The following TLK2 variants were observed in gnomAD, a reference collection of about 807,000 sequenced individuals.
The protein encoded by TLK2 is tousled like kinase 2, also known as serine/threonine-protein kinase tousled-like 2.
Under a neutral mutation model 117.3 loss-of-function variants are expected in TLK2, and 6 were observed. The observed-to-expected ratio is 0.05, with a 90% CI of 0.03 to 0.10. The LOEUF is 0.10. TLK2 is among the 10% of genes least tolerant of loss of function. TLK2 has a pLI of 1.00. For missense variants in TLK2, 299 were observed against 901.2 expected, an observed-to-expected ratio of 0.33 and a Z score of 8.56; for synonymous variants, 257 against 316.7, an observed-to-expected ratio of 0.81 and a Z score of 2.00.
In TLK2 at chr17:62,523,112, T is replaced by C. The variant is rs867346499; in HGVS notation, c.224-22T>C. ...TTATATGTGTATTGGAAAAACTGTA[T>C]TTACTTTGGTTTCATTTTCAGGGAA... On this transcript the variant is annotated intron_variant, in intron 4 of 21. Coordinates refer to ENST00000346027, the MANE Select transcript of TLK2 (RefSeq NM_006852.6). 1.0e-5 allele frequency: 16 copies of C among 1,585,230 alleles called. No homozygotes were observed. The Middle Eastern group carries it at 2.0e-3, about 201-fold the overall frequency.
In TLK2 at chr17:62,597,164, A is replaced by G. The variant is rs117462738; in HGVS notation, c.1550+490A>G. On this transcript the variant is annotated intron_variant, in intron 17 of 21. Coordinates refer to ENST00000346027, the MANE Select transcript of TLK2 (RefSeq NM_006852.6). ...TCATACCTTTTACTACTATTCATCT[A>G]TTCCACCATTCCATCCCTCTGCCCT... 5.1e-4 allele frequency: 78 copies of G among 153,492 alleles called. 2 individuals carry two copies. The East Asian group carries it at 0.015, about 29-fold the overall frequency. The allele number at this position is 153,492 out of a possible 1,614,324, so 9.5% of individuals were successfully genotyped here. A position where few individuals can be genotyped will look rare whatever the true frequency, so the allele number is the denominator to read the frequency against.
intron 2 of TLK2, among the ~76,000 whole-genome samples, chr17:62,491,950 G>A (rs186774111): frequency 2.6e-5 from 4 of 152,300 alleles, no homozygotes; most frequent in Non-Finnish European, 5.9e-5. Context: ...ATTGGAGTAG[G>A]AATAATATAA....
chr17:62,481,229 A>T (rs1390834077), intron 2 of TLK2, 23 bp downstream of exon 2: 2 of 1,612,754 alleles, frequency 1.2e-6, no homozygotes. Flanking sequence ...ATGATCATGA[A>T]CACTATTCAT....
At chr17:62,490,090 A>G (rs2072944071) in intron 2 of TLK2, among the ~76,000 whole-genome samples, 2 of 152,236 alleles carry the variant, frequency 1.3e-5, no homozygotes, top group Admixed American at 6.5e-5. Context: ...TTGGCCTCCG[A>G]AAGTGTTGGG....
chr17:62,513,921 TTG>T (rs1567826340), intron 2 of TLK2, among the ~76,000 whole-genome samples: 2 of 151,928 alleles, frequency 1.3e-5, no homozygotes, highest in Non-Finnish European at 2.9e-5. Context: ...ACTCCTGACC[TTG>T]TGATCCACCC....
At chr17:62,496,406 A>G (rs190904346) in intron 2 of TLK2, among the ~76,000 whole-genome samples, 66 of 152,276 alleles carry the variant, frequency 4.3e-4, no homozygotes, top group African/African-American at 1.5e-3. Context: ...ACACATTCAG[A>G]TACATTTACA....
At chr17:62,505,407 A>AT (rs544900638) in intron 2 of TLK2, among the ~76,000 whole-genome samples, 4,805 of 53,714 alleles carry the variant, frequency 0.089, 1,397 homozygotes, top group African/African-American at 0.26. Context: ...CCATACCCAG[A>AT]TTTTTTTTTT....
intron 2 of TLK2, among the ~76,000 whole-genome samples, chr17:62,518,902 G>T (rs2145472866): frequency 6.6e-6 from 1 of 152,192 alleles, no homozygotes. Flanking sequence ...TTTGAGACAA[G>T]GTCTTGGCTC....
At chr17:62,516,545 A>G (rs12949013) in intron 2 of TLK2, 11 of 1,608,632 alleles carry the variant, frequency 6.8e-6, no homozygotes, top group South Asian at 4.4e-5. Context: ...TACTGGATAC[A>G]CTCATTGGTA....
At chr17:62,595,370 A>G (rs1227625920) in intron 16 of TLK2, among the ~76,000 whole-genome samples, 1 of 150,972 alleles carries the variant, frequency 6.6e-6, no homozygotes, top group Admixed American at 6.6e-5. Context: ...ATAAACCAAT[A>G]ATGTATTCAT....
chr17:62,564,729 A>G (rs531349039), intron 10 of TLK2, among the ~76,000 whole-genome samples: 6,547 of 151,718 alleles, frequency 0.043, 148 homozygotes, highest in Middle Eastern at 0.11. Context: ...CAAACAAAAA[A>G]CCAACCAAAC....
At chr17:62,497,621 A>G (rs1046248115) in intron 2 of TLK2, among the ~76,000 whole-genome samples, 1 of 152,214 alleles carries the variant, frequency 6.6e-6, no homozygotes, top group Non-Finnish European at 1.5e-5. Flanking sequence ...GTTTTACTAC[A>G]GGGAGTTGAA....
At chr17:62,550,381 A>G (rs2078358462) in intron 7 of TLK2, 1 of 152,194 alleles carries the variant, frequency 6.6e-6, no homozygotes. Flanking sequence ...GTGATTGTGT[A>G]TTTATTATAT....
At chr17:62,510,659 T>A (rs2075072906) in intron 2 of TLK2, among the ~76,000 whole-genome samples, 1 of 152,218 alleles carries the variant, frequency 6.6e-6, no homozygotes, top group African/African-American at 2.4e-5. Context: ...CATATTGTAG[T>A]CCCTCTGTGT....
intron 12 of TLK2, chr17:62,574,270 A>T: frequency 6.6e-7 from 1 of 1,526,544 alleles, no homozygotes; most frequent in Admixed American, 2.0e-5. Flanking sequence ...CACCCCATAC[A>T]TATCTGATGT....
intron 15 of TLK2, among the ~76,000 whole-genome samples, chr17:62,582,012 C>T (rs984178061): frequency 3.3e-5 from 5 of 151,906 alleles, no homozygotes; most frequent in African/African-American, 9.7e-5. Context: ...CTCTGGGAGC[C>T]GAGGCAGGAG....
Position 62,542,269 on chromosome 17 carries a change from A to G in TLK2, c.531+5932A>G, listed in dbSNP as rs138185515. 5.7e-3 allele frequency among the ~76,000 whole-genome samples: 872 copies of G among 152,290 alleles called. 8 individuals are homozygous for G. Among genetic ancestry groups the G allele is most frequent in the African/African-American group, 0.02 (831 of 41,564 alleles). ...AGGATTACCATTTTAATGTCAAATAATGTGTTCCTTATTTAATCTTATTTA... is the reference window on the plus strand; with the variant it reads ...AGGATTACCATTTTAATGTCAAATAGTGTGTTCCTTATTTAATCTTATTTA... On this transcript the variant is annotated intron_variant, in intron 7 of 21. Coordinates refer to ENST00000346027, the MANE Select transcript of TLK2 (RefSeq NM_006852.6).
At chr17:62,522,411 CTGTT>C (rs2076104750) in intron 4 of TLK2, 138 bp downstream of exon 4, 1 of 948,772 alleles carries the variant, frequency 1.1e-6, no homozygotes, top group Non-Finnish European at 1.6e-6. Flanking sequence ...GAATATCAGA[CTGTT>C]TATTACAGAC....
At chr17:62,545,387 C>A (rs996615139) in intron 7 of TLK2, among the ~76,000 whole-genome samples, 1 of 152,110 alleles carries the variant, frequency 6.6e-6, no homozygotes. Flanking sequence ...AAGGTATCAT[C>A]CAGTTTTTCT....
Sources: gnomAD v4.1 joint callset for allele counts (sites outside exome capture counted in the v4.1 genomes callset) on GRCh38, gnomAD v4.1.1 for gene constraint, MANE v1.5 for transcripts, NCBI Gene and HGNC (gene_info 2026-07-23, HGNC 2026-07-21) for gene names.